The following DRC5 variants were observed in gnomAD, a reference collection of about 807,000 sequenced individuals.
DRC5 encodes dynein regulatory complex subunit 5.
At chr6:44,293,986 CTT>C in the DRC5 span, among the ~76,000 whole-genome samples, 13 of 147,138 alleles carry the variant, frequency 8.8e-5, no homozygotes, top group African/African-American at 2.7e-4. Flanking sequence ...ATGTAGCAAA[CTT>C]TTTTTTTTTT....
At chr6:44,280,416 G>A in the DRC5 span, 8 of 1,565,536 alleles carry the variant, frequency 5.1e-6, no homozygotes, top group African/African-American at 6.8e-5. Flanking sequence ...AAAGGAAGGG[G>A]TCATTTACAT....
chr6:44,283,821 T>C, the DRC5 span, among the ~76,000 whole-genome samples: 1 of 152,262 alleles, frequency 6.6e-6, no homozygotes. Flanking sequence ...TTCAGCTTTT[T>C]GCAGCCTCCT....
At chr6:44,287,885 CT>C in the DRC5 span, 1 of 1,558,036 alleles carries the variant, frequency 6.4e-7, no homozygotes, top group South Asian at 1.2e-5. Flanking sequence ...CAAGAAGCTT[CT>C]CAGACTGGCA....
the DRC5 span, among the ~76,000 whole-genome samples, chr6:44,292,790 G>A: frequency 6.6e-6 from 1 of 152,160 alleles, no homozygotes; most frequent in African/African-American, 2.4e-5. Context: ...CACGTACAAG[G>A]TCTGTTTGCG....
chr6:44,297,458 G>A, the DRC5 span, among the ~76,000 whole-genome samples: 4 of 152,190 alleles, frequency 2.6e-5, no homozygotes, highest in Admixed American at 2.0e-4. Context: ...GGGCGTCCTC[G>A]CGTGGAGGGC....
chr6:44,280,475 A>C, the DRC5 span: 3 of 980,536 alleles, frequency 3.1e-6, no homozygotes. Context: ...GGTAGATGTG[A>C]CTAAAACAAA....
chr6:44,295,339 T>C, the DRC5 span, among the ~76,000 whole-genome samples: 4 of 152,138 alleles, frequency 2.6e-5, no homozygotes, highest in Admixed American at 2.6e-4. Flanking sequence ...TTCACTTCTC[T>C]GGGGCCTGCC....
At chr6:44,281,104 G>A in the DRC5 span, among the ~76,000 whole-genome samples, 2 of 152,158 alleles carry the variant, frequency 1.3e-5, no homozygotes, top group African/African-American at 2.4e-5. Context: ...CTCATGGGGA[G>A]GTTTAGTAGA....
At chr6:44,279,914 T>C in the DRC5 span, 1 of 360,600 alleles carries the variant, frequency 2.8e-6, no homozygotes, top group South Asian at 5.4e-5. Flanking sequence ...GACTTCCCTG[T>C]TCCTGAAAGA....
At chr6:44,286,474 C>T in the DRC5 span, 2 of 1,614,048 alleles carry the variant, frequency 1.2e-6, no homozygotes, top group East Asian at 2.2e-5. Context: ...GGTCAGGGGA[C>T]AGGTGGTTCA....
At chr6:44,294,788 A>AG in the DRC5 span, among the ~76,000 whole-genome samples, 1 of 150,976 alleles carries the variant, frequency 6.6e-6, no homozygotes, top group African/African-American at 2.4e-5. Context: ...AAAAAAAAAA[A>AG]AAAAAGAAAG....
At chr6:44,284,729 C>A in the DRC5 span, among the ~76,000 whole-genome samples, 2 of 152,142 alleles carry the variant, frequency 1.3e-5, no homozygotes, top group African/African-American at 4.8e-5. Flanking sequence ...GCATGCCAGA[C>A]ACATGTCTGC....
chr6:44,289,125 C>A, the DRC5 span, among the ~76,000 whole-genome samples: 4 of 145,146 alleles, frequency 2.8e-5, no homozygotes, highest in Non-Finnish European at 6.0e-5. Flanking sequence ...GCAACCTCCA[C>A]CTCCAGGGTT....
At chr6:44,293,132 A>G in the DRC5 span, among the ~76,000 whole-genome samples, 2 of 152,112 alleles carry the variant, frequency 1.3e-5, no homozygotes, top group East Asian at 3.9e-4. Context: ...AAAGGCCCCC[A>G]GGTTATTACT....
chr6:44,284,282 C>T, the DRC5 span, among the ~76,000 whole-genome samples: 2 of 152,044 alleles, frequency 1.3e-5, no homozygotes, highest in South Asian at 2.1e-4. Context: ...TTGAAACATA[C>T]CCCTCCCTTG....
chr6:44,296,609 C>A, the DRC5 span, among the ~76,000 whole-genome samples: 1 of 146,596 alleles, frequency 6.8e-6, no homozygotes, highest in Admixed American at 6.9e-5. Context: ...CATCACAGTT[C>A]TGGTCCTCAA....
the DRC5 span, among the ~76,000 whole-genome samples, chr6:44,283,657 T>C: frequency 6.6e-6 from 1 of 152,264 alleles, no homozygotes. Flanking sequence ...CTCTATTTTC[T>C]GCATGCCTGT....
At chr6:44,294,582 T>C in the DRC5 span, among the ~76,000 whole-genome samples, 7 of 150,896 alleles carry the variant, frequency 4.6e-5, no homozygotes, top group Non-Finnish European at 8.9e-5. Context: ...CCGTCTCTAC[T>C]AAAAATACAA....
chr6:44,289,932 C>T, the DRC5 span, among the ~76,000 whole-genome samples: 1 of 152,126 alleles, frequency 6.6e-6, no homozygotes, highest in African/African-American at 2.4e-5. Context: ...AGGGAACACT[C>T]TGAACCAGCA....
Sources: allele counts gnomAD v4.1 joint callset (sites outside exome capture counted in the v4.1 genomes callset), GRCh38; gene constraint gnomAD v4.1.1; transcripts MANE v1.5; gene names NCBI Gene and HGNC (gene_info 2026-07-23, HGNC 2026-07-21).